GLCCI1: variants seen among roughly 807,000 people sequenced by gnomAD.
GLCCI1 encodes the protein glucocorticoid-induced transcript 1 protein.
GLCCI1 carries 24 observed loss-of-function variants against 52.2 expected under a neutral mutation model. That is an observed-to-expected ratio of 0.46 (90% CI 0.33 to 0.65). The LOEUF is 0.65. Among genes scored for constraint, GLCCI1 ranks in the 30% least tolerant of loss-of-function variants. The pLI is 0.02. For synonymous variants in GLCCI1, 310 were observed against 276.5 expected (o/e 1.12, Z -1.20); for missense variants, 704 against 701.5 (o/e 1.00, Z -0.04).
intron 3 of GLCCI1, among the ~76,000 whole-genome samples, chr7:8,033,024 T>A (rs1301954674): frequency 6.6e-6 from 1 of 151,672 alleles, no homozygotes; most frequent in Non-Finnish European, 1.5e-5. Flanking sequence ...GCAAACCAAA[T>A]CCAGCAATAA....
chr7:8,077,562 G>A (rs562203636), intron 6 of GLCCI1, among the ~76,000 whole-genome samples: 1 of 152,256 alleles, frequency 6.6e-6, no homozygotes, highest in Admixed American at 6.5e-5. Flanking sequence ...CTACTCAATC[G>A]ATCTGTATCT....
At chr7:8,065,575 C>T (rs1314243473) in intron 5 of GLCCI1, among the ~76,000 whole-genome samples, 3 of 152,140 alleles carry the variant, frequency 2.0e-5, no homozygotes, top group African/African-American at 7.2e-5. Flanking sequence ...AAGTATGTTC[C>T]TTCAGTGCCT....
At chr7:8,068,586 C>T (rs571616240) in intron 5 of GLCCI1, among the ~76,000 whole-genome samples, 1 of 152,178 alleles carries the variant, frequency 6.6e-6, no homozygotes, top group Admixed American at 6.5e-5. Context: ...TTTTTGCTTT[C>T]TTCTGAATCT....
At position 7,969,842 on chromosome 7, in the gene GLCCI1, C is replaced by A; in HGVS notation, c.457+35C>A. ...CCAACCCTCCCGTCCTCCCGGGCTG[C>A]GTCTCCCCGACGGTGCCCTCCGTGG... On this transcript the variant is annotated intron_variant, in intron 1 of 7. Coordinates refer to ENST00000223145, the MANE Select transcript of GLCCI1 (RefSeq NM_138426.4). This position sits in a 1 kb window ranked among gnomAD's most constrained non-coding sequence, Gnocchi z 4.9. 7.3e-7 allele frequency: 1 copy of A among 1,378,714 alleles called. No individual in the cohort carries two copies. Among genetic ancestry groups the A allele is most frequent in the Non-Finnish European group, 9.4e-7 (1 of 1,060,044 alleles). The allele number at this position is 1,378,714 out of a possible 1,614,324, so 85.4% of individuals were successfully genotyped here.
intron 1 of GLCCI1, among the ~76,000 whole-genome samples, chr7:7,989,670 A>G (rs994035801): frequency 1.3e-5 from 2 of 152,148 alleles, no homozygotes; most frequent in African/African-American, 4.8e-5. Flanking sequence ...TAAGGAGACC[A>G]CTTGTGATAG....
intron 3 of GLCCI1, among the ~76,000 whole-genome samples, chr7:8,026,147 A>G (rs960631613): frequency 4.6e-5 from 7 of 152,200 alleles, no homozygotes; most frequent in African/African-American, 1.7e-4. Context: ...AAAAGGACAT[A>G]AATTATAGTT....
At chr7:7,996,434 A>G (rs1273636420) in intron 1 of GLCCI1, among the ~76,000 whole-genome samples, 2 of 152,202 alleles carry the variant, frequency 1.3e-5, no homozygotes, top group Non-Finnish European at 2.9e-5. Context: ...AAGTATTCCA[A>G]ATATCAGAGC....
At chr7:7,975,176 T>C (rs928906382) in intron 1 of GLCCI1, among the ~76,000 whole-genome samples, 5 of 152,234 alleles carry the variant, frequency 3.3e-5, no homozygotes, top group African/African-American at 1.2e-4. Flanking sequence ...TTTGTGCTTA[T>C]TCTGAAAGAC....
intron 2 of GLCCI1, among the ~76,000 whole-genome samples, chr7:8,019,556 C>G (rs7798367): frequency 6.6e-6 from 1 of 151,918 alleles, no homozygotes; most frequent in Non-Finnish European, 1.5e-5. Context: ...ACTACAGTCA[C>G]TGTCACTTCA....
At chr7:8,028,852 T>C (rs1781685509) in intron 3 of GLCCI1, among the ~76,000 whole-genome samples, 1 of 152,040 alleles carries the variant, frequency 6.6e-6, no homozygotes, top group African/African-American at 2.4e-5. Flanking sequence ...GGAATATCTA[T>C]AAGAAATGAA....
rs1780713064 is a variant in GLCCI1, at chr7:7,985,732, AAAATC to A, written c.457+15928_457+15932del. ...AGTTTGTTGTGTGTGGGTTTGGAGA[AAAATC>A]AATCCGTTTAGATATAAATCCTTTC... On this transcript the variant is annotated intron_variant, in intron 1 of 7. Coordinates refer to ENST00000223145, the MANE Select transcript of GLCCI1 (RefSeq NM_138426.4). Among the ~76,000 whole-genome samples, 3 of 152,220 alleles carry A rather than the reference AAAATC, an allele frequency of 2.0e-5. No homozygotes were observed. In the South Asian group the frequency reaches 6.2e-4, roughly 31 times the overall value.
At chr7:8,083,042 T>C (rs1454537735) in intron 6 of GLCCI1, among the ~76,000 whole-genome samples, 1 of 152,216 alleles carries the variant, frequency 6.6e-6, no homozygotes, top group African/African-American at 2.4e-5. Flanking sequence ...CTGATGCTGC[T>C]TGTGCCGTGT....
intron 3 of GLCCI1, among the ~76,000 whole-genome samples, chr7:8,025,040 G>T (rs910599764): frequency 4.6e-5 from 7 of 152,158 alleles, no homozygotes; most frequent in African/African-American, 1.7e-4. Context: ...AGTCCAATTT[G>T]GGGCCAGCAG....
At chr7:8,054,507 T>C (rs1262818582) in intron 3 of GLCCI1, among the ~76,000 whole-genome samples, 1 of 152,172 alleles carries the variant, frequency 6.6e-6, no homozygotes, top group Non-Finnish European at 1.5e-5. Flanking sequence ...CAGGTAAACA[T>C]TAGTTTTCTC....
At chr7:8,073,424 G>A (rs549226162) in intron 6 of GLCCI1, among the ~76,000 whole-genome samples, 1 of 151,998 alleles carries the variant, frequency 6.6e-6, no homozygotes, top group African/African-American at 2.4e-5. Context: ...TGCCTTTGTT[G>A]GTATATTTTC....
intron 3 of GLCCI1, among the ~76,000 whole-genome samples, chr7:8,054,650 T>C (rs959830040): frequency 5.9e-5 from 9 of 152,064 alleles, no homozygotes; most frequent in African/African-American, 2.2e-4. Flanking sequence ...TCTGGGCTCA[T>C]TGTAGATGTT....
chr7:8,057,971 AC>A (rs1001615647), intron 4 of GLCCI1, among the ~76,000 whole-genome samples: 6 of 152,308 alleles, frequency 3.9e-5, no homozygotes, highest in Non-Finnish European at 8.8e-5. Flanking sequence ...AACCAAAAAA[AC>A]GTGTTCACAT....
In GLCCI1 at chr7:8,055,556, T is replaced by C; in HGVS notation, c.813+7T>C. The C allele has an allele frequency of 6.8e-7, 1 of 1,475,918 alleles. No homozygotes were observed. 91.4% of individuals were successfully genotyped at this position (1,475,918 alleles called of 1,614,324 possible). A position where few individuals can be genotyped will look rare whatever the true frequency, so the allele number is the denominator to read the frequency against. On this transcript the variant is annotated splice_region_variant and intron_variant, in intron 4 of 7. Coordinates refer to ENST00000223145, the MANE Select transcript of GLCCI1 (RefSeq NM_138426.4). Reference sequence around the variant, plus strand: ...AACAATCAGTCACACTCAGGTAGGCTAACTTCTTGTCCAGATTTGAATAAT... The same window carrying C: ...AACAATCAGTCACACTCAGGTAGGCCAACTTCTTGTCCAGATTTGAATAAT...
intron 1 of GLCCI1, among the ~76,000 whole-genome samples, chr7:7,973,411 TGC>T (rs1046664812): frequency 5.3e-5 from 7 of 131,858 alleles, no homozygotes; most frequent in African/African-American, 2.3e-4. Context: ...AATCTTTGTG[TGC>T]GTGTGTGTGT....
Sources: gnomAD v4.1 joint callset for allele counts (sites outside exome capture counted in the v4.1 genomes callset) on GRCh38, gnomAD v4.1.1 for gene constraint, Gnocchi (gnomAD v3.1) non-coding constraint, MANE v1.5 for transcripts, NCBI Gene and HGNC (gene_info 2026-07-23, HGNC 2026-07-21) for gene names.